CDC42SE2: variants seen among roughly 807,000 people sequenced by gnomAD.
The protein encoded by CDC42SE2 is CDC42 small effector protein 2.
CDC42SE2 carries 3 observed loss-of-function variants against 11.5 expected under a neutral mutation model. The ratio of observed to expected loss-of-function variants is 0.26; its 90% CI spans 0.12 to 0.67. CDC42SE2 has a LOEUF of 0.67. CDC42SE2 is among the 30% of genes least tolerant of loss of function. The pLI, the probability that CDC42SE2 is intolerant of heterozygous loss-of-function variation, is 0.80. For missense variants in CDC42SE2, 82 were observed against 106.8 expected, an observed-to-expected ratio of 0.77 and a Z score of 1.02; for synonymous variants, 33 against 34.8, an observed-to-expected ratio of 0.95 and a Z score of 0.18.
chr5:131,360,272 C>T (rs1302112326), intron 3 of CDC42SE2, among the ~76,000 whole-genome samples: 1 of 152,170 alleles, frequency 6.6e-6, no homozygotes. Flanking sequence ...AGGCATGTGC[C>T]ACCACGCCTG....
chr5:131,367,724 A>G (rs899981388), intron 3 of CDC42SE2, among the ~76,000 whole-genome samples: 1 of 152,224 alleles, frequency 6.6e-6, no homozygotes, highest in East Asian at 1.9e-4. Flanking sequence ...TCTGAATACA[A>G]ATTCTTTGTT....
At chr5:131,350,388 A>C (rs1256459968) in intron 2 of CDC42SE2, among the ~76,000 whole-genome samples, 1 of 151,996 alleles carries the variant, frequency 6.6e-6, no homozygotes, top group Non-Finnish European at 1.5e-5. Flanking sequence ...TTACCTAATC[A>C]CACCCTACAA....
chr5:131,346,766 C>T (rs940662573), intron 2 of CDC42SE2, among the ~76,000 whole-genome samples: 1 of 152,202 alleles, frequency 6.6e-6, no homozygotes, highest in Non-Finnish European at 1.5e-5. Context: ...AAGCACTCCT[C>T]AGCAAATGTA....
intron 2 of CDC42SE2, among the ~76,000 whole-genome samples, chr5:131,346,792 T>G (rs1001541551): frequency 6.6e-6 from 1 of 152,284 alleles, no homozygotes; most frequent in Middle Eastern, 3.4e-3. Context: ...ACAGAAATTA[T>G]AACAAACTGT....
intron 1 of CDC42SE2, among the ~76,000 whole-genome samples, chr5:131,271,042 C>CT (rs888510285): frequency 1.8e-4 from 28 of 152,138 alleles, no homozygotes; most frequent in African/African-American, 6.8e-4. Flanking sequence ...AAAGCTGACT[C>CT]TTTCTTCAGG....
intron 2 of CDC42SE2, among the ~76,000 whole-genome samples, chr5:131,340,599 C>T (rs906510051): frequency 2.0e-5 from 3 of 152,108 alleles, no homozygotes; most frequent in African/African-American, 7.2e-5. Flanking sequence ...CAATTAAAAA[C>T]TGCAGTCTTA....
Position 131,390,694 on chromosome 5 carries a change from G to T in CDC42SE2, c.157-299G>T, listed in dbSNP as rs1191783316. 3.3e-5 allele frequency among the ~76,000 whole-genome samples: 5 copies of T among 151,916 alleles called. No homozygotes were observed. The South Asian group carries it at 1.0e-3, about 32-fold the overall frequency. ...TCTTAAAAAAAAAGAAAGTGGAGTT[G>T]ATCTATATATTTTTGACCATTTTTC... On this transcript the variant is annotated intron_variant, in intron 4 of 4. Coordinates refer to ENST00000505065, the MANE Select transcript of CDC42SE2 (RefSeq NM_001375635.1).
chr5:131,297,537 A>G (rs10477730), intron 1 of CDC42SE2, among the ~76,000 whole-genome samples: 116,552 of 151,552 alleles, frequency 0.77, 45,189 homozygotes, highest in African/African-American at 0.82. Flanking sequence ...GGCTAACATG[A>G]TGAAACCTCG....
chr5:131,392,282 A>G lies in CDC42SE2; in HGVS notation c.*1191A>G, dbSNP rs1032833339. On this transcript the variant is annotated 3_prime_UTR_variant, in exon 5 of 5. Coordinates refer to ENST00000505065, the MANE Select transcript of CDC42SE2 (RefSeq NM_001375635.1). Reference sequence around the variant, plus strand: ...TATTTTGGAAGGTATGAGACCCACAAGCACAATGATCATTTTTATTTGTTT... The same window carrying G: ...TATTTTGGAAGGTATGAGACCCACAGGCACAATGATCATTTTTATTTGTTT... 4 of 152,772 alleles carry G rather than the reference A, an allele frequency of 2.6e-5. No individual in the cohort carries two copies. Among genetic ancestry groups the G allele is most frequent in the African/African-American group, 9.7e-5 (4 of 41,446 alleles). The allele number at this position is 152,772 out of a possible 1,614,324, so 9.5% of individuals were successfully genotyped here. A position where few individuals can be genotyped will look rare whatever the true frequency, so the allele number is the denominator to read the frequency against.
chr5:131,337,379 A>C (rs912732371), intron 2 of CDC42SE2, among the ~76,000 whole-genome samples: 15 of 152,156 alleles, frequency 9.9e-5, no homozygotes, highest in Admixed American at 6.5e-4. Flanking sequence ...GTCTGCCCCT[A>C]CTGGGGGGTG....
chr5:131,222,915 T>C, the CDC42SE2 span, among the ~76,000 whole-genome samples: 2 of 152,230 alleles, frequency 1.3e-5, no homozygotes, highest in Non-Finnish European at 2.9e-5. Flanking sequence ...GCTGCCAAGC[T>C]TTCAGCTTTG....
intron 3 of CDC42SE2, among the ~76,000 whole-genome samples, chr5:131,360,931 CTCT>C (rs1458892261): frequency 3.3e-5 from 5 of 151,874 alleles, no homozygotes; most frequent in African/African-American, 1.2e-4. Context: ...TTTTTCTTAG[CTCT>C]TCTTTTCTAA....
intron 2 of CDC42SE2, among the ~76,000 whole-genome samples, chr5:131,341,832 T>A (rs1398976530): frequency 1.3e-5 from 2 of 150,844 alleles, no homozygotes; most frequent in African/African-American, 2.4e-5. Context: ...GAGGTGGAGG[T>A]TGCAGTGAGC....
At position 131,337,928 on chromosome 5, in the gene CDC42SE2, A is replaced by T. The variant is rs1289687522; in HGVS notation, c.-285-21281A>T. Among the ~76,000 whole-genome samples the T allele has an allele frequency of 3.3e-5, 5 of 152,192 alleles. No homozygotes were observed. In the East Asian group the frequency reaches 9.6e-4, roughly 29 times the overall value. On this transcript the variant is annotated intron_variant, in intron 2 of 4. Coordinates refer to ENST00000505065, the MANE Select transcript of CDC42SE2 (RefSeq NM_001375635.1). ...CCCCTTGCACTTCCGGGGTGAGGCGATGCCTCGCCCTGCTTCCGCTCACGC... is the reference window on the plus strand; with the variant it reads ...CCCCTTGCACTTCCGGGGTGAGGCGTTGCCTCGCCCTGCTTCCGCTCACGC...
upstream of CDC42SE2, among the ~76,000 whole-genome samples, chr5:131,262,167 G>GTTTT (rs111700927): frequency 6.9e-6 from 1 of 144,302 alleles, no homozygotes; most frequent in African/African-American, 2.5e-5. Context: ...GAATTTTCTG[G>GTTTT]TTTTTTTTTT....
intron 1 of CDC42SE2, among the ~76,000 whole-genome samples, chr5:131,302,334 C>T (rs1757701171): frequency 6.6e-6 from 1 of 152,208 alleles, no homozygotes; most frequent in African/African-American, 2.4e-5. Context: ...CATGCACCAC[C>T]ACGCCTGGCT....
chr5:131,330,362 A>G (rs1206921343), intron 2 of CDC42SE2, among the ~76,000 whole-genome samples: 4 of 152,200 alleles, frequency 2.6e-5, no homozygotes, highest in Non-Finnish European at 2.9e-5. Flanking sequence ...AGAATAACTA[A>G]TACCACACAA....
upstream of CDC42SE2, among the ~76,000 whole-genome samples, chr5:131,240,949 GTTTTGTTTTTGTTTTTGTTTTTGT>G (rs71000979): frequency 2.0e-5 from 3 of 149,130 alleles, no homozygotes; most frequent in African/African-American, 7.6e-5. Context: ...GGTTTTATGG[GTTTTGTTTTTGTTTTTGTTTTTGT>G]TTTTGTTTTT....
At chr5:131,281,633 C>T (rs1458774986) in intron 1 of CDC42SE2, among the ~76,000 whole-genome samples, 1 of 152,180 alleles carries the variant, frequency 6.6e-6, no homozygotes, top group Non-Finnish European at 1.5e-5. Flanking sequence ...TTTTTGTAAA[C>T]TCTACTCTGA....
Sources: gnomAD v4.1 joint callset for allele counts (sites outside exome capture counted in the v4.1 genomes callset) on GRCh38, gnomAD v4.1.1 for gene constraint, MANE v1.5 for transcripts, NCBI Gene and HGNC (gene_info 2026-07-23, HGNC 2026-07-21) for gene names.